USP50: variants seen among roughly 807,000 people sequenced by gnomAD.
USP50 encodes the protein ubiquitin specific peptidase 50.
Under a neutral mutation model 39.2 loss-of-function variants are expected in USP50, and 37 were observed. That is an observed-to-expected ratio of 0.94 (90% confidence interval 0.73 to 1.24). The LOEUF is 1.24. Among genes scored for constraint, USP50 ranks in the 50% most tolerant of loss-of-function variants. The probability of loss-of-function intolerance (pLI) is 0.00; values close to 1 mark genes in which losing one functional copy is unlikely to be tolerated. For missense variants in USP50, 374 were observed against 398.2 expected (o/e 0.94, Z 0.52); for synonymous variants, 139 against 144.5 (o/e 0.96, Z 0.27).
chr15:50,493,039 C>A (rs761941984), downstream of USP50: 1 of 1,020,722 alleles, frequency 9.8e-7, no homozygotes, highest in Admixed American at 1.9e-5. Flanking sequence ...TTGTAAAGAA[C>A]AAAAATTTAT....
At chr15:50,535,566 A>T (rs2052973190) in intron 5 of USP50, among the ~76,000 whole-genome samples, 1 of 152,256 alleles carries the variant, frequency 6.6e-6, no homozygotes, top group Non-Finnish European at 1.5e-5. Context: ...AAATACATGG[A>T]GATTAAGCAA....
chr15:50,539,083 A>T (rs1261890549), intron 4 of USP50, among the ~76,000 whole-genome samples: 1 of 151,284 alleles, frequency 6.6e-6, no homozygotes, highest in African/African-American at 2.4e-5. Flanking sequence ...TACCTCACTT[A>T]TAATCTAGAA....
At position 50,515,652 on chromosome 15, in the gene USP50, GTATATA is replaced by G. The variant is rs35695423; in HGVS notation, c.936+14139_936+14144del. Among the ~76,000 whole-genome samples, 64 of 147,586 alleles carry G rather than the reference GTATATA, an allele frequency of 4.3e-4. No homozygotes were observed. The East Asian group carries it at 7.7e-3, about 18-fold the overall frequency. ...GATAATAGATGTAAAATATATATGT[GTATATA>G]TATATATATATATATTTAAACACTT... On this transcript the variant is annotated intron_variant, in intron 6 of 6. Transcript: ENST00000532404.
intron 6 of USP50, chr15:50,510,393 A>C (rs2052721069): frequency 6.6e-6 from 1 of 152,196 alleles, no homozygotes; most frequent in South Asian, 2.1e-4. Context: ...CTTGATTGTC[A>C]GCAATTACAA....
At chr15:50,518,472 A>G (rs942487822) in intron 6 of USP50, among the ~76,000 whole-genome samples, 5 of 151,950 alleles carry the variant, frequency 3.3e-5, no homozygotes, top group Non-Finnish European at 5.9e-5. Flanking sequence ...CGGCCTCCCA[A>G]AGTGCTGGGA....
chr15:50,513,601 A>T (rs2052768563), intron 6 of USP50: 1 of 152,078 alleles, frequency 6.6e-6, no homozygotes, highest in Non-Finnish European at 1.5e-5. Flanking sequence ...AAAAAGAACT[A>T]CAATTCCATA....
chr15:50,541,921 A>G (rs575728422), intron 3 of USP50, among the ~76,000 whole-genome samples: 100 of 152,178 alleles, frequency 6.6e-4, no homozygotes, highest in African/African-American at 2.4e-3. Context: ...CTTTTTTAAA[A>G]GAGCAAATCT....
intron 6 of USP50, among the ~76,000 whole-genome samples, chr15:50,516,933 T>C (rs2052808437): frequency 6.6e-6 from 1 of 152,080 alleles, no homozygotes; most frequent in African/African-American, 2.4e-5. Flanking sequence ...CAATTACTAA[T>C]TAATATGAGA....
intron 6 of USP50, among the ~76,000 whole-genome samples, chr15:50,515,833 C>G (rs1311302539): frequency 6.6e-6 from 1 of 151,976 alleles, no homozygotes; most frequent in Non-Finnish European, 1.5e-5. Flanking sequence ...AAGTGTGTGT[C>G]AATGCATTCT....
chr15:50,543,380 C>G (rs557825756), intron 3 of USP50, among the ~76,000 whole-genome samples: 83 of 152,272 alleles, frequency 5.5e-4, no homozygotes, highest in African/African-American at 1.9e-3. Context: ...GCCTTAAAAT[C>G]TGTGTTGTAA....
intron 6 of USP50, chr15:50,501,976 A>G: frequency 6.6e-6 from 1 of 152,226 alleles, no homozygotes; most frequent in Non-Finnish European, 1.5e-5. Context: ...TGCTTTAATG[A>G]TACAACAGTA....
intron 6 of USP50, among the ~76,000 whole-genome samples, chr15:50,525,554 GTGTATATA>G (rs1176467111): frequency 9.1e-5 from 7 of 76,998 alleles, no homozygotes; most frequent in Admixed American, 1.3e-4. Context: ...ATGTATATAT[GTGTATATA>G]TGTATATATG....
Position 50,500,854 on chromosome 15 carries a change from T to G in USP50, c.937-17A>C. ...AAAATGGTTCTATGGGAGAAAGGAATGTCAAACTTAGTATTCACATATGAA... is the reference window on the plus strand; with the variant it reads ...AAAATGGTTCTATGGGAGAAAGGAAGGTCAAACTTAGTATTCACATATGAA... On this transcript the variant is annotated splice_polypyrimidine_tract_variant and intron_variant, in intron 6 of 6. Transcript: ENST00000532404. The G allele has an allele frequency of 6.4e-7, 1 of 1,565,658 alleles. No individual in the cohort carries two copies. Among genetic ancestry groups the G allele is most frequent in the Non-Finnish European group, 8.7e-7 (1 of 1,153,452 alleles).
chr15:50,545,779 C>T (rs1262849584), intron 1 of USP50, among the ~76,000 whole-genome samples: 6 of 151,802 alleles, frequency 4.0e-5, no homozygotes, highest in South Asian at 2.1e-4. Flanking sequence ...CCAACTATGC[C>T]GTTTATTAAT....
At chr15:50,543,557 G>A (rs78442219) in intron 3 of USP50, 41 bp downstream of exon 3, 43,215 of 1,561,174 alleles carry the variant, frequency 0.028, 724 homozygotes, top group Non-Finnish European at 0.031. Flanking sequence ...GCTGATAAAG[G>A]TTCAGGACTA....
downstream of USP50, chr15:50,493,039 C>T: frequency 2.9e-6 from 3 of 1,020,722 alleles, no homozygotes; most frequent in Non-Finnish European, 4.5e-6. Flanking sequence ...TTGTAAAGAA[C>T]AAAAATTTAT....
downstream of USP50, chr15:50,498,517 A>G: frequency 6.9e-7 from 1 of 1,454,218 alleles, no homozygotes; most frequent in Non-Finnish European, 9.1e-7. Flanking sequence ...AGTCCTGGCT[A>G]AAAATCTAGA....
rs562403230 is a variant in USP50 at position 50,515,951 on chromosome 15, G to A, written c.936+13846C>T. ...ATTAATAAAAGCAGTTCAAATGAAT[G>A]TACTAAAGCTAACGTATCAATCAAA... On this transcript the variant is annotated intron_variant, in intron 6 of 6. Transcript: ENST00000532404. Among the ~76,000 whole-genome samples, 11 of 152,246 alleles carry A rather than the reference G, an allele frequency of 7.2e-5. No individual in the cohort carries two copies. In the East Asian group the frequency reaches 1.3e-3, roughly 19 times the overall value.
intron 5 of USP50, among the ~76,000 whole-genome samples, chr15:50,534,320 T>C (rs530201442): frequency 3.3e-5 from 5 of 152,236 alleles, no homozygotes; most frequent in Non-Finnish European, 7.4e-5. Flanking sequence ...TATTGCAAAC[T>C]CTAGGGCAAC....
Sources: allele counts gnomAD v4.1 joint callset (sites outside exome capture counted in the v4.1 genomes callset), GRCh38; gene constraint gnomAD v4.1.1; transcripts MANE v1.5; gene names NCBI Gene and HGNC (gene_info 2026-07-23, HGNC 2026-07-21).